The following NQO1 variants were observed in gnomAD, a reference collection of about 807,000 sequenced individuals.
The protein encoded by NQO1 is NAD(P)H dehydrogenase [quinone] 1.
Under a neutral mutation model 32.1 loss-of-function variants are expected in NQO1, and 30 were observed. That is an observed-to-expected ratio of 0.94 (90% CI 0.70 to 1.27). NQO1 has a LOEUF of 1.27. Among genes scored for constraint, NQO1 ranks in the 50% most tolerant of loss-of-function variants. NQO1 has a pLI of 0.00. For synonymous variants in NQO1, 109 were observed against 119.7 expected (o/e 0.91, Z 0.59); for missense variants, 276 against 331.3 (o/e 0.83, Z 1.30).
chr16:69,715,132 G>T, intron 3 of NQO1, 55 bp from the exon 4 acceptor site: 1 of 1,408,798 alleles, frequency 7.1e-7, no homozygotes, highest in Non-Finnish European at 1.0e-6. Context: ...AAGCCCAGAA[G>T]GTGGCTCGGA....
At chr16:69,719,417 T>C (rs2038160761) in intron 1 of NQO1, among the ~76,000 whole-genome samples, 1 of 152,200 alleles carries the variant, frequency 6.6e-6, no homozygotes, top group African/African-American at 2.4e-5. Flanking sequence ...TATAACCTGA[T>C]TGTCTATGGG....
intron 4 of NQO1, among the ~76,000 whole-genome samples, chr16:69,713,782 C>T (rs1342968193): frequency 6.6e-6 from 1 of 151,964 alleles, no homozygotes; most frequent in East Asian, 1.9e-4. Context: ...TCTCAACCAA[C>T]TGCAAACTGT....
At chr16:69,716,346 G>A (rs2038113080) in intron 3 of NQO1, among the ~76,000 whole-genome samples, 1 of 151,082 alleles carries the variant, frequency 6.6e-6, no homozygotes, top group African/African-American at 2.4e-5. Context: ...AATACAAAAA[G>A]TCAAGCGTGG....
chr16:69,717,052 T>C (rs1254926897), intron 3 of NQO1, among the ~76,000 whole-genome samples: 1 of 150,728 alleles, frequency 6.6e-6, no homozygotes, highest in Non-Finnish European at 1.5e-5. Flanking sequence ...ACTTCAAGGA[T>C]TGGATGTTTT....
intron 1 of NQO1, among the ~76,000 whole-genome samples, chr16:69,726,007 T>C (rs1597606880): frequency 6.6e-6 from 1 of 152,260 alleles, no homozygotes; most frequent in Non-Finnish European, 1.5e-5. Flanking sequence ...TCTCATTTTC[T>C]TCAGAAGCTC....
chr16:69,716,985 C>T (rs1567632101), intron 3 of NQO1, among the ~76,000 whole-genome samples: 1 of 150,938 alleles, frequency 6.6e-6, no homozygotes, highest in African/African-American at 2.4e-5. Context: ...CTTTGGGGTA[C>T]TGGCTAGTGG....
chr16:69,714,372 T>C (rs1322755641), intron 4 of NQO1, among the ~76,000 whole-genome samples: 2 of 148,698 alleles, frequency 1.3e-5, no homozygotes, highest in Non-Finnish European at 3.0e-5. Context: ...GGTTTCGCCA[T>C]GTTGGCCAGA....
At chr16:69,712,271 G>A (rs917754813) in intron 5 of NQO1, among the ~76,000 whole-genome samples, 1 of 150,386 alleles carries the variant, frequency 6.6e-6, no homozygotes, top group African/African-American at 2.4e-5. Context: ...TAGAGATGAG[G>A]TCTTATATGT....
At chr16:69,713,190 G>T in intron 4 of NQO1, 61 bp from the exon 5 acceptor site, 1 of 1,255,212 alleles carries the variant, frequency 8.0e-7, no homozygotes, top group Non-Finnish European at 1.2e-6. Context: ...GTGACAAGAA[G>T]TTAATGAAAC....
At chr16:69,716,765 C>T (rs542946949) in intron 3 of NQO1, among the ~76,000 whole-genome samples, 3 of 152,172 alleles carry the variant, frequency 2.0e-5, no homozygotes, top group Non-Finnish European at 2.9e-5. Context: ...GCCTGGGCAA[C>T]ATGGTGAGAC....
intron 1 of NQO1, among the ~76,000 whole-genome samples, chr16:69,721,411 T>C (rs1003430684): frequency 1.3e-5 from 2 of 152,182 alleles, no homozygotes; most frequent in East Asian, 1.9e-4. Flanking sequence ...CCACCGTCTA[T>C]GTAAGGACGC....
intron 3 of NQO1, among the ~76,000 whole-genome samples, chr16:69,716,786 C>CA (rs1354846241): frequency 6.6e-6 from 1 of 151,792 alleles, no homozygotes; most frequent in Non-Finnish European, 1.5e-5. Context: ...CCTATTTGTA[C>CA]AAAAAAATTA....
At chr16:69,725,114 C>G (rs1267625377) in intron 1 of NQO1, among the ~76,000 whole-genome samples, 1 of 152,216 alleles carries the variant, frequency 6.6e-6, no homozygotes, top group Non-Finnish European at 1.5e-5. Context: ...CTGTCAGAAT[C>G]TATTCCCTGC....
intron 3 of NQO1, 29 bp downstream of exon 3, chr16:69,718,094 C>T (rs369702788): frequency 9.9e-6 from 16 of 1,613,410 alleles, no homozygotes; most frequent in South Asian, 3.3e-5. Context: ...GCAAATGTCC[C>T]TGACACCCCT....
intron 1 of NQO1, among the ~76,000 whole-genome samples, chr16:69,725,214 G>A (rs1379181099): frequency 6.6e-6 from 1 of 152,198 alleles, no homozygotes; most frequent in Non-Finnish European, 1.5e-5. Flanking sequence ...TCAACTGCAA[G>A]GGCAGTCTGT....
rs34906225 is a variant in NQO1 at position 69,709,741 on chromosome 16, A to T, written c.*1235T>A. ...TGAATTATATAATACCAACAGTGGAATGAGATGACTTCCAGAAGTAGAAAT... is the reference window on the plus strand; with the variant it reads ...TGAATTATATAATACCAACAGTGGATTGAGATGACTTCCAGAAGTAGAAAT... On this transcript the variant is annotated 3_prime_UTR_variant, in exon 6 of 6. Coordinates refer to ENST00000320623, the MANE Select transcript of NQO1 (RefSeq NM_000903.3). 3,961 of 398,536 alleles carry T rather than the reference A, an allele frequency of 9.9e-3. 115 individuals are homozygous for T. The highest frequency in any genetic ancestry group is 0.061 in the African/African-American group (2,954 of 48,718). The allele number at this position is 398,536 out of a possible 1,614,324, so 24.7% of individuals were successfully genotyped here.
intron 1 of NQO1, among the ~76,000 whole-genome samples, chr16:69,724,594 C>T (rs565351093): frequency 1.3e-5 from 2 of 151,476 alleles, no homozygotes; most frequent in South Asian, 2.1e-4. Flanking sequence ...CCCAGCTACT[C>T]GGGGGCAAAG....
intron 1 of NQO1, among the ~76,000 whole-genome samples, chr16:69,720,791 T>C (rs1425105567): frequency 6.6e-6 from 1 of 152,208 alleles, no homozygotes; most frequent in Non-Finnish European, 1.5e-5. Context: ...ATTAACAAGG[T>C]TGTCAGAGGC....
Position 69,718,548 on chromosome 16 carries a change from C to A in NQO1, c.8-14G>T. The A allele has an allele frequency of 1.2e-6, 2 of 1,612,112 alleles. No homozygotes were observed. The highest frequency in any genetic ancestry group is 1.7e-6 in the Non-Finnish European group (2 of 1,179,338). On this transcript the variant is annotated splice_polypyrimidine_tract_variant and intron_variant, in intron 1 of 5. Transcript: ENST00000320623. ...GTGCTCTTCTGCCTACAGAGACACA[C>A]ACAAAGCACACACGGAAAACCCATT...
Sources: gnomAD v4.1 joint callset for allele counts (sites outside exome capture counted in the v4.1 genomes callset) on GRCh38, gnomAD v4.1.1 for gene constraint, MANE v1.5 for transcripts, NCBI Gene and HGNC (gene_info 2026-07-23, HGNC 2026-07-21) for gene names.